CBFB: variants seen among roughly 807,000 people sequenced by gnomAD.
The protein encoded by CBFB is CBF-beta.
Under a neutral mutation model 30.4 loss-of-function variants are expected in CBFB, and 9 were observed. The ratio of observed to expected loss-of-function variants is 0.30; its 90% CI spans 0.18 to 0.52. CBFB has a LOEUF of 0.52. CBFB is among the 20% of genes least tolerant of loss of function. The probability of loss-of-function intolerance (pLI) is 0.97; values close to 1 mark genes in which losing one functional copy is unlikely to be tolerated. For missense variants in CBFB, 170 were observed against 244.0 expected (o/e 0.70, Z 2.02); for synonymous variants, 94 against 84.0 (o/e 1.12, Z -0.65).
Position 67,033,634 on chromosome 16 carries a change from C to G in CBFB, c.166-3005C>G, listed in dbSNP as rs945157914. Among the ~76,000 whole-genome samples the G allele has an allele frequency of 2.0e-5, 3 of 146,614 alleles. No individual in the cohort carries two copies. In the Middle Eastern group the frequency reaches 0.01, roughly 509 times the overall value. On this transcript the variant is annotated intron_variant, in intron 2 of 5. Coordinates refer to ENST00000412916, the MANE Select transcript of CBFB (RefSeq NM_022845.3). ...AATTCTTTTTTTTTTTTTTTTGAGACGGAGTCTTGCTCTGTCGCCCAGGCT... is the reference window on the plus strand; with the variant it reads ...AATTCTTTTTTTTTTTTTTTTGAGAGGGAGTCTTGCTCTGTCGCCCAGGCT...
chr16:67,057,272 C>T (rs915565948), intron 3 of CBFB, among the ~76,000 whole-genome samples: 6 of 152,232 alleles, frequency 3.9e-5, no homozygotes, highest in African/African-American at 9.6e-5. Flanking sequence ...CGTGAGCCAC[C>T]GCGCCTATCC....
chr16:67,040,752 T>C (rs947454142), intron 3 of CBFB, among the ~76,000 whole-genome samples: 3 of 152,180 alleles, frequency 2.0e-5, no homozygotes, highest in African/African-American at 7.2e-5. Flanking sequence ...AAAGGTATTA[T>C]AGGATAAAGA....
At chr16:67,053,459 G>T (rs892115027) in intron 3 of CBFB, among the ~76,000 whole-genome samples, 2 of 151,802 alleles carry the variant, frequency 1.3e-5, no homozygotes, top group African/African-American at 4.8e-5. Context: ...GTGTCACTGT[G>T]TTAGCCAGGC....
intron 3 of CBFB, among the ~76,000 whole-genome samples, chr16:67,045,559 T>TTA (rs1433673474): frequency 6.6e-6 from 1 of 152,122 alleles, no homozygotes; most frequent in African/African-American, 2.4e-5. Flanking sequence ...TATGTCATAG[T>TTA]ACCTTCCAGT....
chr16:67,061,980 C>G (rs149935728), intron 3 of CBFB, among the ~76,000 whole-genome samples: 2 of 151,482 alleles, frequency 1.3e-5, no homozygotes, highest in Non-Finnish European at 2.9e-5. Flanking sequence ...TGCAGTGAGC[C>G]GAGATCGCAC....
intron 5 of CBFB, among the ~76,000 whole-genome samples, chr16:67,089,366 G>A (rs1961819746): frequency 6.6e-6 from 1 of 152,176 alleles, no homozygotes; most frequent in Admixed American, 6.5e-5. Context: ...AAACTATGGG[G>A]GAGAACCAGG....
At chr16:67,043,455 T>A (rs1272525358) in intron 3 of CBFB, among the ~76,000 whole-genome samples, 2 of 152,252 alleles carry the variant, frequency 1.3e-5, no homozygotes, top group East Asian at 1.9e-4. Context: ...GGTGACTGAT[T>A]ATAAGTATAT....
At chr16:67,050,730 C>T (rs1337487555) in intron 3 of CBFB, among the ~76,000 whole-genome samples, 1 of 151,870 alleles carries the variant, frequency 6.6e-6, no homozygotes, top group Non-Finnish European at 1.5e-5. Context: ...GAGTTTGAGC[C>T]TACAGTGAAC....
chr16:67,088,218 C>T (rs922421973), intron 5 of CBFB, among the ~76,000 whole-genome samples: 1 of 152,074 alleles, frequency 6.6e-6, no homozygotes, highest in African/African-American at 2.4e-5. Context: ...TGGCACTTAG[C>T]GTGTATATAT....
At chr16:67,094,497 T>C (rs575342973) in intron 5 of CBFB, among the ~76,000 whole-genome samples, 1 of 152,328 alleles carries the variant, frequency 6.6e-6, no homozygotes, top group East Asian at 1.9e-4. Context: ...CTTTGTCATA[T>C]ATTTGGAGTA....
At chr16:67,044,994 GT>G (rs1470034832) in intron 3 of CBFB, among the ~76,000 whole-genome samples, 1 of 152,106 alleles carries the variant, frequency 6.6e-6, no homozygotes, top group Non-Finnish European at 1.5e-5. Context: ...GTTATTGACA[GT>G]TTAGTGTATT....
intron 3 of CBFB, among the ~76,000 whole-genome samples, chr16:67,061,222 C>G (rs1168003907): frequency 6.6e-6 from 1 of 152,184 alleles, no homozygotes; most frequent in Non-Finnish European, 1.5e-5. Context: ...ACTGTAGTCA[C>G]TTTTTAACCT....
intron 3 of CBFB, among the ~76,000 whole-genome samples, chr16:67,045,331 C>T (rs376556654): frequency 3.9e-5 from 6 of 151,916 alleles, no homozygotes; most frequent in African/African-American, 9.7e-5. Context: ...GACTGGCCAA[C>T]GTGATGAAAC....
chr16:67,052,292 G>A (rs911531736), intron 3 of CBFB, among the ~76,000 whole-genome samples: 4 of 152,104 alleles, frequency 2.6e-5, no homozygotes, highest in East Asian at 1.9e-4. Context: ...CTACTAGGCC[G>A]AGTGCAGTTA....
intron 3 of CBFB, among the ~76,000 whole-genome samples, chr16:67,065,933 T>C (rs1961038568): frequency 6.6e-6 from 1 of 152,222 alleles, no homozygotes; most frequent in South Asian, 2.1e-4. Context: ...ATATAAAGGA[T>C]AGCAGTGTTT....
chr16:67,068,613 T>C (rs1278953332), intron 4 of CBFB, among the ~76,000 whole-genome samples: 1 of 152,074 alleles, frequency 6.6e-6, no homozygotes, highest in African/African-American at 2.4e-5. Flanking sequence ...AAAGCAAGGA[T>C]CAGAAGTCAG....
intron 3 of CBFB, among the ~76,000 whole-genome samples, chr16:67,040,956 C>A (rs984147334): frequency 1.3e-5 from 2 of 152,086 alleles, no homozygotes; most frequent in African/African-American, 4.8e-5. Context: ...TGATCAACAG[C>A]AAGCAGGCCA....
chr16:67,083,356 C>T (rs778402365), intron 5 of CBFB, among the ~76,000 whole-genome samples: 5 of 150,434 alleles, frequency 3.3e-5, no homozygotes, highest in Admixed American at 6.7e-5. Flanking sequence ...AGTACAGTAG[C>T]GTGATCTCGG....
chr16:67,036,933 T>C (rs1393615715), intron 3 of CBFB, among the ~76,000 whole-genome samples, 178 bp downstream of exon 3: 1 of 152,090 alleles, frequency 6.6e-6, no homozygotes, highest in East Asian at 1.9e-4. Context: ...CGTTTCGCTC[T>C]TGTTGCCCAG....
Sources: allele counts gnomAD v4.1 joint callset (sites outside exome capture counted in the v4.1 genomes callset), GRCh38; gene constraint gnomAD v4.1.1; transcripts MANE v1.5; gene names NCBI Gene and HGNC (gene_info 2026-07-23, HGNC 2026-07-21).